KCNMB2: variants seen among roughly 807,000 people sequenced by gnomAD.
KCNMB2 encodes calcium-activated potassium channel subunit beta-2.
KCNMB2 carries 9 observed loss-of-function variants against 24.5 expected under a neutral mutation model. That is an observed-to-expected ratio of 0.37 (90% confidence interval 0.22 to 0.64). The LOEUF is 0.64. KCNMB2 is among the 30% of genes least tolerant of loss of function. The pLI is 0.63. For synonymous variants in KCNMB2, 109 were observed against 104.4 expected (o/e 1.04, Z -0.27); for missense variants, 226 against 284.3 (o/e 0.79, Z 1.47).
At chr3:178,838,773 ATCTG>A (rs1715324170) in intron 4 of KCNMB2, among the ~76,000 whole-genome samples, 1 of 152,164 alleles carries the variant, frequency 6.6e-6, no homozygotes. Flanking sequence ...CCGCTTCCTT[ATCTG>A]TGTCTCTGCA....
intron 4 of KCNMB2, among the ~76,000 whole-genome samples, chr3:178,841,117 T>C (rs558668991): frequency 3.3e-5 from 5 of 152,216 alleles, no homozygotes; most frequent in African/African-American, 4.8e-5. Context: ...TCCTAATTCA[T>C]TTCTCTCAAG....
chr3:178,596,124 C>A (rs1272023417), intron 1 of KCNMB2, among the ~76,000 whole-genome samples: 1 of 152,136 alleles, frequency 6.6e-6, no homozygotes, highest in Non-Finnish European at 1.5e-5. Context: ...GATGCCAACA[C>A]ATTAACATTT....
chr3:178,757,216 A>G (rs1354046794), intron 1 of KCNMB2: 1 of 147,342 alleles, frequency 6.8e-6, no homozygotes, highest in Non-Finnish European at 1.5e-5. Context: ...ATCAAAAATT[A>G]CCAGTGAAAA....
intron 1 of KCNMB2, among the ~76,000 whole-genome samples, chr3:178,683,588 G>A (rs1438577681): frequency 6.6e-6 from 1 of 152,166 alleles, no homozygotes; most frequent in African/African-American, 2.4e-5. Context: ...TCAGATGTGT[G>A]TTTTATACTT....
chr3:178,676,647 C>A (rs936429327), intron 1 of KCNMB2, among the ~76,000 whole-genome samples: 1 of 152,196 alleles, frequency 6.6e-6, no homozygotes, highest in Non-Finnish European at 1.5e-5. Flanking sequence ...CATAAAGAGG[C>A]AGAAAATAAG....
chr3:178,831,072 CTG>C (rs1454323181), intron 4 of KCNMB2, among the ~76,000 whole-genome samples: 1 of 150,512 alleles, frequency 6.6e-6, no homozygotes, highest in Non-Finnish European at 1.5e-5. Flanking sequence ...TAAAATCTGA[CTG>C]GAATTAATTT....
At chr3:178,547,431 A>G (rs942690871) in intron 1 of KCNMB2, among the ~76,000 whole-genome samples, 1 of 152,228 alleles carries the variant, frequency 6.6e-6, no homozygotes, top group Non-Finnish European at 1.5e-5. Flanking sequence ...TTCTGGTTAA[A>G]CAACTGGATA....
chr3:178,779,174 C>A (rs1712720799), intron 1 of KCNMB2, among the ~76,000 whole-genome samples: 1 of 152,176 alleles, frequency 6.6e-6, no homozygotes, highest in Non-Finnish European at 1.5e-5. Flanking sequence ...AGGCCCCAGC[C>A]TCCCACCCAG....
intron 1 of KCNMB2, among the ~76,000 whole-genome samples, chr3:178,742,418 T>C (rs932450053): frequency 2.6e-5 from 4 of 152,212 alleles, no homozygotes; most frequent in Non-Finnish European, 5.9e-5. Flanking sequence ...CTAAATGACA[T>C]TGGATTTGCC....
At chr3:178,751,629 A>G (rs890339334) in intron 1 of KCNMB2, among the ~76,000 whole-genome samples, 6 of 145,280 alleles carry the variant, frequency 4.1e-5, no homozygotes, top group Non-Finnish European at 9.1e-5. Flanking sequence ...ACTACTGAGT[A>G]GATTATTTTA....
intron 1 of KCNMB2, among the ~76,000 whole-genome samples, chr3:178,794,362 C>T (rs1217449566): frequency 2.6e-5 from 4 of 151,986 alleles, no homozygotes; most frequent in African/African-American, 9.7e-5. Context: ...TGGATCAGTA[C>T]CTGAACAGCC....
intron 1 of KCNMB2, among the ~76,000 whole-genome samples, chr3:178,782,966 G>A (rs933385270): frequency 6.7e-4 from 101 of 149,682 alleles, no homozygotes; most frequent in African/African-American, 1.8e-3. Context: ...ATTGATTTTT[G>A]TATAAGGTGT....
chr3:178,767,828 G>A (rs1309570590), intron 1 of KCNMB2, among the ~76,000 whole-genome samples: 1 of 152,172 alleles, frequency 6.6e-6, no homozygotes, highest in African/African-American at 2.4e-5. Flanking sequence ...GCCCAAGGCT[G>A]AGGGTTTTAT....
chr3:178,542,852 T>C (rs568489998), intron 1 of KCNMB2, among the ~76,000 whole-genome samples: 3 of 152,164 alleles, frequency 2.0e-5, no homozygotes, highest in Non-Finnish European at 4.4e-5. Flanking sequence ...CTGAATATCT[T>C]GGTTTGAATC....
chr3:178,633,968 C>T (rs1719422351), intron 1 of KCNMB2, among the ~76,000 whole-genome samples: 3 of 152,328 alleles, frequency 2.0e-5, no homozygotes, highest in South Asian at 4.1e-4. Flanking sequence ...TCTTTGCATA[C>T]AAGAGTGACC....
intron 4 of KCNMB2, among the ~76,000 whole-genome samples, chr3:178,838,603 C>T (rs775242266): frequency 5.3e-5 from 8 of 151,734 alleles, no homozygotes; most frequent in African/African-American, 1.7e-4. Context: ...GCCTGTGTGC[C>T]CACTGATAAA....
At chr3:178,762,015 C>CA (rs1222317870) in intron 1 of KCNMB2, among the ~76,000 whole-genome samples, 4 of 151,982 alleles carry the variant, frequency 2.6e-5, no homozygotes, top group Admixed American at 1.3e-4. Context: ...ACTAAAAATA[C>CA]AAAAAATTAA....
intron 1 of KCNMB2, among the ~76,000 whole-genome samples, chr3:178,732,774 G>A (rs987034976): frequency 1.3e-5 from 2 of 152,142 alleles, no homozygotes; most frequent in Admixed American, 1.3e-4. Context: ...TGATGAAAAT[G>A]TGACCAGAGG....
In KCNMB2 at chr3:178,750,132, C is replaced by T. The variant is rs908896856; in HGVS notation, c.-67-57211C>T. Among the ~76,000 whole-genome samples, 5 of 151,772 alleles carry T rather than the reference C, an allele frequency of 3.3e-5. No homozygotes were observed. The East Asian group carries it at 7.7e-4, about 24-fold the overall frequency. ...TCTTTCCTTATTGCTGAGGAAGTCACTTGGAAAAGAAGTCCAATGGGAATT... is the reference window on the plus strand; with the variant it reads ...TCTTTCCTTATTGCTGAGGAAGTCATTTGGAAAAGAAGTCCAATGGGAATT... On this transcript the variant is annotated intron_variant, in intron 1 of 4. Transcript: ENST00000452583.
Sources: allele counts gnomAD v4.1 joint callset (sites outside exome capture counted in the v4.1 genomes callset), GRCh38; gene constraint gnomAD v4.1.1; transcripts MANE v1.5; gene names NCBI Gene and HGNC (gene_info 2026-07-23, HGNC 2026-07-21).